The following EYS variants were observed in gnomAD, a reference collection of about 807,000 sequenced individuals.
EYS encodes protein eyes shut homolog.
EYS carries 250 observed loss-of-function variants against 282.1 expected under a neutral mutation model. That is an observed-to-expected ratio of 0.89 (90% CI 0.80 to 0.98). The LOEUF is 0.98. Ranked by LOEUF, EYS falls within the 50% of genes least tolerant of loss-of-function variation. The probability of loss-of-function intolerance (pLI) is 0.00; values close to 1 mark genes in which losing one functional copy is unlikely to be tolerated. For synonymous variants in EYS, 1,355 were observed against 1,282.9 expected (o/e 1.06, Z -1.20); for missense variants, 4,016 against 3,709.0 (o/e 1.08, Z -2.15).
intron 12 of EYS, among the ~76,000 whole-genome samples, chr6:65,286,850 TG>T (rs1164903388): frequency 1.3e-5 from 2 of 151,632 alleles, no homozygotes; most frequent in African/African-American, 4.8e-5. Context: ...TTAAAAGTAG[TG>T]AATGGGGTTT....
At chr6:64,742,916 G>A (rs1448895376) in intron 22 of EYS, among the ~76,000 whole-genome samples, 1 of 152,060 alleles carries the variant, frequency 6.6e-6, no homozygotes, top group East Asian at 1.9e-4. Flanking sequence ...AAAATCACCG[G>A]TGATAAAGGA....
intron 26 of EYS, among the ~76,000 whole-genome samples, chr6:64,562,462 G>A (rs1002496368): frequency 6.6e-6 from 1 of 151,860 alleles, no homozygotes; most frequent in African/African-American, 2.4e-5. Context: ...TCAAGAATAT[G>A]TGGAAACCCA....
intron 18 of EYS, among the ~76,000 whole-genome samples, chr6:64,887,191 A>C (rs1767120308): frequency 6.7e-6 from 1 of 150,362 alleles, no homozygotes; most frequent in Non-Finnish European, 1.5e-5. Context: ...CAAAAAACCA[A>C]ACACCGCATG....
intron 31 of EYS, among the ~76,000 whole-genome samples, chr6:64,092,962 T>C (rs1772427233): frequency 6.6e-6 from 1 of 150,776 alleles, no homozygotes; most frequent in East Asian, 1.9e-4. Context: ...AGTTTCAGCT[T>C]TCTACATATG....
chr6:64,016,162 C>T (rs950145442), intron 33 of EYS, among the ~76,000 whole-genome samples: 1 of 152,114 alleles, frequency 6.6e-6, no homozygotes, highest in African/African-American at 2.4e-5. Context: ...GTGACAGAGA[C>T]CTTCACAGGG....
At chr6:64,572,844 G>A (rs146816765) in intron 26 of EYS, among the ~76,000 whole-genome samples, 353 of 152,226 alleles carry the variant, frequency 2.3e-3, no homozygotes, top group African/African-American at 8.1e-3. Context: ...TGGCCATAAT[G>A]CCCAAAGTAA....
intron 27 of EYS, among the ~76,000 whole-genome samples, chr6:64,436,961 C>T (rs528678330): frequency 3.3e-5 from 5 of 151,838 alleles, no homozygotes; most frequent in African/African-American, 1.2e-4. Flanking sequence ...TAAAAGTGAT[C>T]TATAACCCAC....
chr6:63,826,847 A>AAAAAAAAAAAAAAAAGAAAAAAAAC (rs1771479760), intron 36 of EYS, among the ~76,000 whole-genome samples: 1 of 1,732 alleles, frequency 5.8e-4, no homozygotes, highest in Non-Finnish European at 1.1e-3. Flanking sequence ...TTAAAAAGCA[A>AAAAAAAAAAAAAAAAGAAAAAAAAC]AAAAAAAAAA....
chr6:65,120,460 CAAAAAAAAAA>C (rs67505285), intron 12 of EYS, among the ~76,000 whole-genome samples: 5 of 68,264 alleles, frequency 7.3e-5, no homozygotes, highest in Admixed American at 1.8e-4. Flanking sequence ...TTTAAATAAG[CAAAAAAAAAA>C]AAAAAAAAAA....
In EYS at chr6:63,929,858, A is replaced by G. The variant is rs1383449027; in HGVS notation, c.7055+54525T>C. ...TGATCAATCAAATTCTGTTAATTTT[A>G]TGCTAAGGAAGAGTTTAGTTCATTT... On this transcript the variant is annotated intron_variant, in intron 35 of 42. Transcript: ENST00000503581. Among the ~76,000 whole-genome samples, 4 of 152,158 alleles carry G rather than the reference A, an allele frequency of 2.6e-5. No individual in the cohort carries two copies. In the East Asian group the frequency reaches 5.8e-4, roughly 22 times the overall value.
At chr6:65,573,602 C>T (rs527744437) in intron 2 of EYS, among the ~76,000 whole-genome samples, 1 of 152,286 alleles carries the variant, frequency 6.6e-6, no homozygotes, top group East Asian at 1.9e-4. Context: ...GAAGCCCAGC[C>T]TCCCTGTAAG....
intron 18 of EYS, 133 bp downstream of exon 18, chr6:64,901,980 G>A: frequency 1.6e-6 from 1 of 609,774 alleles, no homozygotes; most frequent in Non-Finnish European, 2.9e-6. Context: ...GGACAAATGA[G>A]GATGTGCTGG....
intron 12 of EYS, among the ~76,000 whole-genome samples, chr6:65,229,073 T>C (rs1766702300): frequency 6.6e-6 from 1 of 151,806 alleles, no homozygotes; most frequent in Admixed American, 6.6e-5. Context: ...GTAGACAAAA[T>C]TGAGCAAAGA....
intron 22 of EYS, among the ~76,000 whole-genome samples, chr6:64,655,874 G>T (rs1768726435): frequency 6.6e-6 from 1 of 152,022 alleles, no homozygotes; most frequent in Non-Finnish European, 1.5e-5. Flanking sequence ...TTAAAACAAT[G>T]ATCATAGCAT....
At chr6:64,346,635 T>C (rs1331841637) in intron 29 of EYS, among the ~76,000 whole-genome samples, 1 of 151,718 alleles carries the variant, frequency 6.6e-6, no homozygotes, top group Admixed American at 6.6e-5. Flanking sequence ...TACACCAACA[T>C]GGCACATGTA....
chr6:65,208,150 A>G (rs1766083585), intron 12 of EYS, among the ~76,000 whole-genome samples: 1 of 151,886 alleles, frequency 6.6e-6, no homozygotes, highest in Admixed American at 6.6e-5. Flanking sequence ...AAAGGAAATG[A>G]AAAGACATGT....
chr6:65,330,394 T>A, intron 11 of EYS: 1 of 984,550 alleles, frequency 1.0e-6, no homozygotes, highest in Non-Finnish European at 1.2e-6. Flanking sequence ...CTTCACAGTC[T>A]GGGCATGGTA....
intron 35 of EYS, among the ~76,000 whole-genome samples, chr6:63,958,435 GC>G (rs1765913773): frequency 1.0e-5 from 1 of 95,994 alleles, no homozygotes; most frequent in African/African-American, 2.7e-5. Flanking sequence ...AATGTTTGTG[GC>G]CCCCACAATG....
intron 1 of EYS, among the ~76,000 whole-genome samples, chr6:65,672,683 A>T (rs1295393618): frequency 6.6e-6 from 1 of 152,158 alleles, no homozygotes; most frequent in Non-Finnish European, 1.5e-5. Flanking sequence ...TCAACAAAAA[A>T]TTCAAAATTA....
Sources: allele counts gnomAD v4.1 joint callset (sites outside exome capture counted in the v4.1 genomes callset), GRCh38; gene constraint gnomAD v4.1.1; transcripts MANE v1.5; gene names NCBI Gene and HGNC (gene_info 2026-07-23, HGNC 2026-07-21).